Variants in RALGAPB observed in about 807,000 individuals in gnomAD.
RALGAPB encodes Ral GTPase activating protein non-catalytic subunit beta, also known as ral GTPase-activating protein subunit beta.
A neutral mutation model predicts 161.1 loss-of-function variants in RALGAPB; 25 were observed. The ratio of observed to expected loss-of-function variants is 0.16; its 90% CI spans 0.11 to 0.22. RALGAPB has a LOEUF of 0.22. RALGAPB is among the 10% of genes least tolerant of loss of function. The pLI, the probability that RALGAPB is intolerant of heterozygous loss-of-function variation, is 1.00. For missense variants in RALGAPB, 1,391 were observed against 1,815.2 expected (o/e 0.77, Z 4.25); for synonymous variants, 629 against 626.1 (o/e 1.00, Z -0.07).
chr20:38,540,662 C>T (rs1046214564), intron 17 of RALGAPB, among the ~76,000 whole-genome samples: 1 of 152,064 alleles, frequency 6.6e-6, no homozygotes, highest in Non-Finnish European at 1.5e-5. Context: ...AACCATCCCC[C>T]TCCTTTGATA....
At chr20:38,560,567 G>A (rs1277881290) in intron 23 of RALGAPB, among the ~76,000 whole-genome samples, 4 of 152,162 alleles carry the variant, frequency 2.6e-5, no homozygotes, top group African/African-American at 7.2e-5. Flanking sequence ...TTTAGAAGAA[G>A]CTCAGTAAAA....
At chr20:38,535,335 A>G (rs2086772862) in intron 16 of RALGAPB, 128 bp downstream of exon 16, 6 of 1,168,564 alleles carry the variant, frequency 5.1e-6, no homozygotes, top group Admixed American at 2.5e-5. Flanking sequence ...TATTATATCC[A>G]AAGTGTACAA....
intron 26 of RALGAPB, 99 bp downstream of exon 26, chr20:38,567,331 TCA>T (rs1283082290): frequency 6.9e-7 from 1 of 1,446,606 alleles, no homozygotes; most frequent in Non-Finnish European, 9.2e-7. Flanking sequence ...AGTATTTATA[TCA>T]GAGTACTGAT....
At position 38,558,344 on chromosome 20, in the gene RALGAPB, C is replaced by T. The variant is rs141773741; in HGVS notation, c.3422C>T (p.Thr1141Met). ...LPPHLIALDSTIPGFFDDIGY... is the reference protein window; with the variant it reads ...LPPHLIALDSMIPGFFDDIGY... Reference sequence around the variant, plus strand: ...CCTCACCTTATTGCACTTGATTCCACGATACCTGGATTTTTTGATGACATT... The same window carrying T: ...CCTCACCTTATTGCACTTGATTCCATGATACCTGGATTTTTTGATGACATT... The change falls in exon 23 of 30, where the codon ACG (threonine) becomes ATG (methionine). Residue 1141 changes from threonine (T) to methionine (M), a missense_variant. Physicochemically the swap from Thr to Met is moderately conservative, Grantham distance 81. This residue lies in a region of RALGAPB where 436 missense variants were observed against 527.0 expected (regional missense o/e 0.83). Transcript: ENST00000262879. 149 of 1,604,890 alleles carry T rather than the reference C, an allele frequency of 9.3e-5. No homozygotes were observed. In the African/African-American group the frequency reaches 1.4e-3, roughly 15 times the overall value.
At chr20:38,515,670 C>T (rs958880461) in intron 6 of RALGAPB, among the ~76,000 whole-genome samples, 1 of 151,786 alleles carries the variant, frequency 6.6e-6, no homozygotes, top group African/African-American at 2.4e-5. Context: ...GTAAAATTTT[C>T]TCCTTGGAGC....
intron 20 of RALGAPB, among the ~76,000 whole-genome samples, chr20:38,550,297 T>TA (rs1168409522): frequency 2.0e-5 from 3 of 152,164 alleles, no homozygotes; most frequent in African/African-American, 7.2e-5. Flanking sequence ...AGTATCATAA[T>TA]AAAAAAATGT....
rs2084692062 is a variant in RALGAPB, at chr20:38,472,921, C to T, written c.-179C>T. Reference sequence around the variant, plus strand: ...GTCCCTTGGCGCCCTGGGAGAGTCGCTGACGGGTGGACTGACGGACCGCCT... The same window carrying T: ...GTCCCTTGGCGCCCTGGGAGAGTCGTTGACGGGTGGACTGACGGACCGCCT... On this transcript the variant is annotated 5_prime_UTR_variant, in exon 1 of 30. Transcript: ENST00000262879. 2.5e-6 allele frequency: 1 copy of T among 398,842 alleles called. No homozygotes were observed. Among genetic ancestry groups the T allele is most frequent in the Non-Finnish European group, 4.4e-6 (1 of 226,004 alleles). 24.7% of individuals were successfully genotyped at this position (398,842 alleles called of 1,614,324 possible).
chr20:38,473,368 T>G (rs6092563), intron 1 of RALGAPB, among the ~76,000 whole-genome samples: 20,730 of 152,102 alleles, frequency 0.14, 3,970 homozygotes, highest in African/African-American at 0.43. Context: ...GGAGCGGAGC[T>G]AGACAACTCC....
chr20:38,522,002 A>G (rs1300309910), intron 10 of RALGAPB, among the ~76,000 whole-genome samples: 3 of 152,262 alleles, frequency 2.0e-5, no homozygotes, highest in Non-Finnish European at 2.9e-5. Context: ...CCATGTAGGC[A>G]GTCCAGAAAT....
At chr20:38,477,350 G>C (rs1047532411) in intron 1 of RALGAPB, among the ~76,000 whole-genome samples, 1 of 152,178 alleles carries the variant, frequency 6.6e-6, no homozygotes, top group African/African-American at 2.4e-5. Flanking sequence ...AACTGTGGTG[G>C]TGCTGGTAGG....
Position 38,541,080 on chromosome 20 carries a change from A to G in RALGAPB, c.2602A>G (p.Ile868Val). ...KEVLEIVELG[I>V]SGSKSKNNEQ... ...AGTACTGGAGATTGTGGAACTGGGTATCTCAGGAAGTAAGTCCAAGAACAA... is the reference window on the plus strand; with the variant it reads ...AGTACTGGAGATTGTGGAACTGGGTGTCTCAGGAAGTAAGTCCAAGAACAA... The change falls in exon 18 of 30, where the codon ATC becomes GTC. Residue 868 changes from isoleucine (I) to valine (V), a missense_variant. Coordinates refer to ENST00000262879, the MANE Select transcript of RALGAPB (RefSeq NM_020336.4). 7 of 1,614,136 alleles carry G rather than the reference A, an allele frequency of 4.3e-6. No homozygotes were observed. Among genetic ancestry groups the G allele is most frequent in the Non-Finnish European group, 5.9e-6 (7 of 1,180,000 alleles).
At chr20:38,481,159 G>T (rs79684181) in intron 1 of RALGAPB, among the ~76,000 whole-genome samples, 6,534 of 152,136 alleles carry the variant, frequency 0.043, 160 homozygotes, top group African/African-American at 0.049. Flanking sequence ...ATCTTACCCT[G>T]TTGTTTTCCA....
At chr20:38,519,230 C>CT (rs1394404455) in intron 9 of RALGAPB, among the ~76,000 whole-genome samples, 2 of 152,076 alleles carry the variant, frequency 1.3e-5, no homozygotes, top group Non-Finnish European at 2.9e-5. Context: ...AGTAGTGCTT[C>CT]TGGGATAGGT....
chr20:38,481,084 T>C (rs1186522908), intron 1 of RALGAPB, among the ~76,000 whole-genome samples: 1 of 152,014 alleles, frequency 6.6e-6, no homozygotes, highest in African/African-American at 2.4e-5. Flanking sequence ...TTTTCTTACC[T>C]CCATCAAAAT....
chr20:38,571,559 A>G (rs1568988619), intron 28 of RALGAPB, among the ~76,000 whole-genome samples: 1 of 152,192 alleles, frequency 6.6e-6, no homozygotes, highest in Admixed American at 6.5e-5. Flanking sequence ...AGACTGAATA[A>G]TATTTCATTG....
At chr20:38,494,888 G>C (rs2085377069) in intron 3 of RALGAPB, among the ~76,000 whole-genome samples, 2 of 152,144 alleles carry the variant, frequency 1.3e-5, no homozygotes, top group Admixed American at 1.3e-4. Context: ...AATGGCATTT[G>C]AGTTAATTAG....
chr20:38,499,681 G>C, intron 5 of RALGAPB, 48 bp downstream of exon 5: 1 of 1,528,354 alleles, frequency 6.5e-7, no homozygotes. Context: ...CTGACCTTAG[G>C]CAGCTTTCTG....
intron 16 of RALGAPB, among the ~76,000 whole-genome samples, chr20:38,536,677 A>G (rs892459984): frequency 6.6e-6 from 1 of 152,200 alleles, no homozygotes; most frequent in East Asian, 1.9e-4. Flanking sequence ...CATATAATAT[A>G]TAATTGAGGA....
intron 5 of RALGAPB, among the ~76,000 whole-genome samples, chr20:38,507,722 T>C (rs995018227): frequency 2.0e-5 from 3 of 151,428 alleles, no homozygotes; most frequent in Non-Finnish European, 2.9e-5. Flanking sequence ...TTTTGAGATA[T>C]GGTCTTGCTC....
Sources: gnomAD v4.1 joint callset for allele counts (sites outside exome capture counted in the v4.1 genomes callset) on GRCh38, gnomAD v4.1.1 for gene constraint, gnomAD v4.1.1 regional missense constraint, MANE v1.5 for transcripts, NCBI Gene and HGNC (gene_info 2026-07-23, HGNC 2026-07-21) for gene names.